Variants in CACNA2D3 observed in about 807,000 individuals in gnomAD.
CACNA2D3 encodes calcium voltage-gated channel auxiliary subunit alpha2delta 3.
CACNA2D3 carries 60 observed loss-of-function variants against 160.6 expected under a neutral mutation model. That is an observed-to-expected ratio of 0.37 (90% CI 0.30 to 0.46). The LOEUF (loss-of-function observed/expected upper bound fraction) is 0.46. Among genes scored for constraint, CACNA2D3 ranks in the 20% least tolerant of loss-of-function variants. The probability of loss-of-function intolerance (pLI) is 1.00; values close to 1 mark genes in which losing one functional copy is unlikely to be tolerated. For synonymous variants in CACNA2D3, 558 were observed against 492.9 expected (o/e 1.13, Z -1.75); for missense variants, 1,205 against 1,365.0 (o/e 0.88, Z 1.85).
intron 5 of CACNA2D3, among the ~76,000 whole-genome samples, chr3:54,520,760 G>A (rs942219570): frequency 3.9e-5 from 6 of 152,072 alleles, no homozygotes; most frequent in African/African-American, 1.4e-4. Flanking sequence ...TTTGGCTATC[G>A]TTCCCTTGTC....
chr3:54,263,549 T>C (rs1447307863), intron 2 of CACNA2D3, among the ~76,000 whole-genome samples: 2 of 152,188 alleles, frequency 1.3e-5, no homozygotes, highest in East Asian at 3.8e-4. Context: ...GAGCCCAAGA[T>C]CTGTTGGTTC....
At chr3:54,167,895 G>C (rs1302456273) in intron 2 of CACNA2D3, among the ~76,000 whole-genome samples, 3 of 152,200 alleles carry the variant, frequency 2.0e-5, no homozygotes, top group Admixed American at 6.5e-5. Context: ...TAATTCAAGG[G>C]TGAGCGCAGT....
At chr3:54,965,362 G>C (rs1702124857) in intron 27 of CACNA2D3, among the ~76,000 whole-genome samples, 1 of 152,032 alleles carries the variant, frequency 6.6e-6, no homozygotes, top group African/African-American at 2.4e-5. Context: ...TCTTTAAAAA[G>C]GTTCTCTCCC....
chr3:54,400,473 C>G (rs112722864), intron 4 of CACNA2D3, among the ~76,000 whole-genome samples: 2 of 152,150 alleles, frequency 1.3e-5, no homozygotes, highest in African/African-American at 4.8e-5. Context: ...GACCTGACAT[C>G]AAGAAATATC....
chr3:54,221,114 C>T (rs1368444721), intron 2 of CACNA2D3, among the ~76,000 whole-genome samples: 1 of 152,174 alleles, frequency 6.6e-6, no homozygotes, highest in Admixed American at 6.5e-5. Flanking sequence ...TTCATTTTCA[C>T]AACCACCCCA....
intron 4 of CACNA2D3, among the ~76,000 whole-genome samples, chr3:54,463,351 G>C (rs534492539): frequency 3.5e-4 from 54 of 152,262 alleles, no homozygotes; most frequent in African/African-American, 1.3e-3. Flanking sequence ...AGTTCTCCTG[G>C]ATAATATCCT....
chr3:54,726,437 A>G (rs1701278496), intron 11 of CACNA2D3, among the ~76,000 whole-genome samples: 1 of 152,234 alleles, frequency 6.6e-6, no homozygotes, highest in Non-Finnish European at 1.5e-5. Context: ...CAACCAAAAA[A>G]GAGCCTACAT....
chr3:54,207,765 G>C (rs1701298985), intron 2 of CACNA2D3, among the ~76,000 whole-genome samples: 1 of 152,078 alleles, frequency 6.6e-6, no homozygotes. Flanking sequence ...GGAAAGTGAT[G>C]AATCTCTTCT....
chr3:54,824,411 A>T (rs138461838), intron 14 of CACNA2D3, among the ~76,000 whole-genome samples: 1,756 of 152,292 alleles, frequency 0.012, 38 homozygotes, highest in African/African-American at 0.04. Flanking sequence ...CCTTGGCTTA[A>T]AAATGGAAAA....
At chr3:54,567,905 A>C (rs1245688892) in intron 6 of CACNA2D3, among the ~76,000 whole-genome samples, 1 of 152,242 alleles carries the variant, frequency 6.6e-6, no homozygotes. Context: ...CAGGAGAAGG[A>C]ATGGACGAAG....
At chr3:54,178,299 G>A (rs959862457) in intron 2 of CACNA2D3, among the ~76,000 whole-genome samples, 1 of 152,148 alleles carries the variant, frequency 6.6e-6, no homozygotes. Flanking sequence ...CTTTAGATAC[G>A]GCTTCAGCCC....
At chr3:54,966,793 T>G (rs948261992) in intron 27 of CACNA2D3, 1 of 152,482 alleles carries the variant, frequency 6.6e-6, no homozygotes, top group African/African-American at 2.4e-5. Flanking sequence ...CACTCCAGCC[T>G]GGACAGCAGA....
chr3:54,259,341 A>G (rs1259180433), intron 2 of CACNA2D3, among the ~76,000 whole-genome samples: 3 of 152,250 alleles, frequency 2.0e-5, no homozygotes, highest in Non-Finnish European at 4.4e-5. Context: ...GTTTTGATCA[A>G]GAGAAAAACA....
intron 13 of CACNA2D3, among the ~76,000 whole-genome samples, chr3:54,806,270 T>A (rs1221852795): frequency 6.6e-6 from 1 of 152,176 alleles, no homozygotes; most frequent in African/African-American, 2.4e-5. Flanking sequence ...ATTGTCCCTG[T>A]TTGCAGACGA....
At chr3:55,065,709 GA>G (rs1362115457) in intron 35 of CACNA2D3, among the ~76,000 whole-genome samples, 26 of 150,782 alleles carry the variant, frequency 1.7e-4, no homozygotes, top group African/African-American at 5.9e-4. Flanking sequence ...GAGGAGAGGA[GA>G]GGTGGGGGGA....
intron 4 of CACNA2D3, among the ~76,000 whole-genome samples, chr3:54,449,200 G>A (rs1700266806): frequency 6.6e-6 from 1 of 152,188 alleles, no homozygotes; most frequent in African/African-American, 2.4e-5. Context: ...CTCTTATAGA[G>A]TGAATGGACA....
intron 35 of CACNA2D3, among the ~76,000 whole-genome samples, chr3:55,063,966 AC>A (rs1209442178): frequency 6.6e-6 from 1 of 152,176 alleles, no homozygotes; most frequent in African/African-American, 2.4e-5. Flanking sequence ...AAAAGGTAAA[AC>A]TTTTTCCTTC....
chr3:54,171,329 C>G (rs376660172), intron 2 of CACNA2D3, among the ~76,000 whole-genome samples: 45 of 151,616 alleles, frequency 3.0e-4, no homozygotes, highest in African/African-American at 1.0e-3. Context: ...TTCTGACAGG[C>G]CCTGCAGTCT....
At chr3:54,970,312 G>A (rs1702239795) in intron 29 of CACNA2D3, among the ~76,000 whole-genome samples, 1 of 152,086 alleles carries the variant, frequency 6.6e-6, no homozygotes, top group Non-Finnish European at 1.5e-5. Context: ...AAACCTAGGA[G>A]TTAAAAACTT....
Sources: allele counts gnomAD v4.1 joint callset (sites outside exome capture counted in the v4.1 genomes callset), GRCh38; gene constraint gnomAD v4.1.1; transcripts MANE v1.5; gene names NCBI Gene and HGNC (gene_info 2026-07-23, HGNC 2026-07-21).